Variants in CAP2 observed in about 807,000 individuals in gnomAD.
The protein encoded by CAP2 is adenylyl cyclase-associated protein 2.
A neutral mutation model predicts 57.7 loss-of-function variants in CAP2; 24 were observed. That is an observed-to-expected ratio of 0.42 (90% CI 0.30 to 0.58). The LOEUF (loss-of-function observed/expected upper bound fraction) is 0.58. CAP2 is among the 20% of genes least tolerant of loss of function. CAP2 has a pLI of 0.22. For missense variants in CAP2, 501 were observed against 590.3 expected, an observed-to-expected ratio of 0.85 and a Z score of 1.57; for synonymous variants, 194 against 207.2, an observed-to-expected ratio of 0.94 and a Z score of 0.55.
chr6:17,469,271 G>A (rs918372465), intron 4 of CAP2, among the ~76,000 whole-genome samples: 2 of 152,232 alleles, frequency 1.3e-5, no homozygotes, highest in South Asian at 2.1e-4. Context: ...AGAAGCACCC[G>A]GAGGGTGGAG....
At chr6:17,401,610 T>G (rs1471548734) in intron 1 of CAP2, among the ~76,000 whole-genome samples, 3 of 152,230 alleles carry the variant, frequency 2.0e-5, no homozygotes, top group African/African-American at 7.2e-5. Context: ...GATTGGTTAC[T>G]TGACATGAGG....
chr6:17,440,612 GTGGTGTGTGTGTGTGTGTGT>G (rs1561784408), intron 3 of CAP2, among the ~76,000 whole-genome samples: 1 of 72,798 alleles, frequency 1.4e-5, no homozygotes. Flanking sequence ...CAAACTGTGT[GTGGTGTGTGTGTGTGTGTGT>G]GTGTGTGTGT....
chr6:17,536,453 A>G, intron 7 of CAP2: 1 of 318,952 alleles, frequency 3.1e-6, no homozygotes, highest in Non-Finnish European at 6.2e-6. Context: ...GATTAGACCA[A>G]GATGGAGTTT....
chr6:17,456,054 G>A (rs1171960687), intron 3 of CAP2, among the ~76,000 whole-genome samples: 1 of 152,206 alleles, frequency 6.6e-6, no homozygotes, highest in Non-Finnish European at 1.5e-5. Context: ...ACGAAAGACA[G>A]AATATATGAG....
intron 4 of CAP2, among the ~76,000 whole-genome samples, chr6:17,502,912 C>A (rs1761864269): frequency 6.6e-6 from 1 of 152,204 alleles, no homozygotes; most frequent in South Asian, 2.1e-4. Flanking sequence ...ACTGATGCCA[C>A]ACCTTTGATC....
chr6:17,526,336 T>C (rs959110906), intron 7 of CAP2, among the ~76,000 whole-genome samples: 1 of 151,988 alleles, frequency 6.6e-6, no homozygotes, highest in Non-Finnish European at 1.5e-5. Flanking sequence ...CAGGCTGGTC[T>C]CAAACTCCTG....
At chr6:17,413,986 G>A (rs1449854850) in intron 1 of CAP2, among the ~76,000 whole-genome samples, 4 of 151,832 alleles carry the variant, frequency 2.6e-5, no homozygotes, top group South Asian at 2.1e-4. Flanking sequence ...CCCAGGAGGC[G>A]GAGATTGCAG....
chr6:17,465,600 C>T (rs1472010483), intron 4 of CAP2, among the ~76,000 whole-genome samples: 3 of 152,110 alleles, frequency 2.0e-5, no homozygotes, highest in Non-Finnish European at 2.9e-5. Flanking sequence ...GTGATCACCA[C>T]GTGTTGTTCA....
At chr6:17,465,020 C>G (rs1172998799) in intron 4 of CAP2, among the ~76,000 whole-genome samples, 1 of 152,198 alleles carries the variant, frequency 6.6e-6, no homozygotes, top group Non-Finnish European at 1.5e-5. Context: ...AAGCCACTCA[C>G]TAAATATTGA....
intron 4 of CAP2, among the ~76,000 whole-genome samples, chr6:17,489,006 T>C (rs1341243203): frequency 6.6e-6 from 1 of 152,168 alleles, no homozygotes; most frequent in Non-Finnish European, 1.5e-5. Flanking sequence ...CAGGACGTCC[T>C]ACCATTACCC....
chr6:17,433,634 C>T (rs1561781659), intron 3 of CAP2, among the ~76,000 whole-genome samples: 2 of 152,206 alleles, frequency 1.3e-5, no homozygotes, highest in African/African-American at 2.4e-5. Context: ...TTTGCACTGG[C>T]GTGGGCTCGG....
intron 3 of CAP2, among the ~76,000 whole-genome samples, chr6:17,432,353 C>T (rs1014484482): frequency 1.3e-5 from 2 of 152,180 alleles, no homozygotes; most frequent in African/African-American, 4.8e-5. Context: ...CACTGTGAGG[C>T]TGACTCAGCA....
At chr6:17,489,216 G>A (rs1209423854) in intron 4 of CAP2, among the ~76,000 whole-genome samples, 4 of 152,094 alleles carry the variant, frequency 2.6e-5, no homozygotes, top group South Asian at 2.1e-4. Context: ...GGCACATCAC[G>A]AGGTCAGGAG....
intron 1 of CAP2, among the ~76,000 whole-genome samples, chr6:17,394,861 G>A (rs970927): frequency 0.25 from 37,982 of 152,014 alleles, 4,954 homozygotes; most frequent in South Asian, 0.35. Flanking sequence ...TAGTTCCTAC[G>A]GCACCAAACA....
At chr6:17,434,902 T>C (rs1759831476) in intron 3 of CAP2, among the ~76,000 whole-genome samples, 1 of 148,530 alleles carries the variant, frequency 6.7e-6, no homozygotes, top group African/African-American at 2.5e-5. Context: ...AAAGAAGACA[T>C]TTATGCAGCC....
chr6:17,393,912 G>T (rs1758602310), intron 1 of CAP2, among the ~76,000 whole-genome samples, 166 bp downstream of exon 1: 3 of 148,162 alleles, frequency 2.0e-5, no homozygotes, highest in South Asian at 2.1e-4. Flanking sequence ...AAGGCGGCGC[G>T]GGCGCGGGGG....
intron 1 of CAP2, among the ~76,000 whole-genome samples, chr6:17,394,386 A>C (rs1413262770): frequency 6.6e-6 from 1 of 152,142 alleles, no homozygotes; most frequent in African/African-American, 2.4e-5. Context: ...TCGTGGAAGT[A>C]GCCGCCGTAT....
intron 7 of CAP2, among the ~76,000 whole-genome samples, chr6:17,518,838 A>G (rs979208930): frequency 6.6e-6 from 1 of 151,916 alleles, no homozygotes; most frequent in Non-Finnish European, 1.5e-5. Context: ...GAGTTTTGCC[A>G]TGTTGCCCAG....
At chr6:17,422,738 C>T (rs1355673173) in intron 2 of CAP2, among the ~76,000 whole-genome samples, 1 of 151,996 alleles carries the variant, frequency 6.6e-6, no homozygotes, top group Non-Finnish European at 1.5e-5. Flanking sequence ...TGGCTACTTC[C>T]CAAAAAGGGT....
Sources: gnomAD v4.1 joint callset for allele counts (sites outside exome capture counted in the v4.1 genomes callset) on GRCh38, gnomAD v4.1.1 for gene constraint, MANE v1.5 for transcripts, NCBI Gene and HGNC (gene_info 2026-07-23, HGNC 2026-07-21) for gene names.